SYN3: variants seen among roughly 807,000 people sequenced by gnomAD.
The protein encoded by SYN3 is synapsin III.
SYN3 carries 35 observed loss-of-function variants against 65.8 expected under a neutral mutation model. That is an observed-to-expected ratio of 0.53 (90% confidence interval 0.41 to 0.70). SYN3 has a LOEUF of 0.70. Ranked by LOEUF, SYN3 falls within the 30% of genes least tolerant of loss-of-function variation. The pLI is 0.00. For missense variants in SYN3, 680 were observed against 749.0 expected, an observed-to-expected ratio of 0.91 and a Z score of 1.08; for synonymous variants, 270 against 292.9, an observed-to-expected ratio of 0.92 and a Z score of 0.80.
chr22:32,722,576 C>G (rs2061134795), intron 6 of SYN3, among the ~76,000 whole-genome samples: 1 of 152,178 alleles, frequency 6.6e-6, no homozygotes, highest in African/African-American at 2.4e-5. Flanking sequence ...CGGACAGTGC[C>G]AAGGAGTCAG....
At chr22:32,788,169 T>A (rs1374008404) in intron 6 of SYN3, among the ~76,000 whole-genome samples, 1 of 152,096 alleles carries the variant, frequency 6.6e-6, no homozygotes, top group Non-Finnish European at 1.5e-5. Context: ...GGATTCCACA[T>A]CGGGATTCAA....
At position 32,804,303 on chromosome 22, in the gene SYN3, T is replaced by C. The variant is rs184849021; in HGVS notation, c.711+60612A>G. ...GCTTGCCTGCCGACCTCCCTCGCCT[T>C]GCACAGCACCCTGCTGGCGTCCAGT... On this transcript the variant is annotated intron_variant, in intron 6 of 13. Coordinates refer to ENST00000358763, the MANE Select transcript of SYN3 (RefSeq NM_003490.4). Among the ~76,000 whole-genome samples the C allele has an allele frequency of 2.0e-5, 3 of 152,302 alleles. No individual in the cohort carries two copies. The East Asian group carries it at 5.8e-4, about 29-fold the overall frequency.
At chr22:32,888,672 T>C (rs903487034) in intron 4 of SYN3, among the ~76,000 whole-genome samples, 1 of 152,132 alleles carries the variant, frequency 6.6e-6, no homozygotes, top group Non-Finnish European at 1.5e-5. Context: ...ATGGAAGACT[T>C]CATGGGCAGG....
chr22:32,749,716 G>A (rs768297542), intron 6 of SYN3, among the ~76,000 whole-genome samples: 2 of 152,126 alleles, frequency 1.3e-5, no homozygotes, highest in African/African-American at 4.8e-5. Flanking sequence ...TACGGCATTA[G>A]TCTTCTCTGA....
intron 7 of SYN3, among the ~76,000 whole-genome samples, chr22:32,559,976 T>G (rs555608279): frequency 3.3e-4 from 51 of 152,352 alleles, no homozygotes; most frequent in Non-Finnish European, 5.3e-4. Flanking sequence ...GTATATGACC[T>G]TCTTCTAGGA....
intron 1 of SYN3, among the ~76,000 whole-genome samples, chr22:33,049,354 A>AT (rs1280197350): frequency 1.3e-5 from 2 of 152,216 alleles, no homozygotes; most frequent in Non-Finnish European, 2.9e-5. Flanking sequence ...TTCTTCCTCT[A>AT]TCTGCTATCG....
intron 6 of SYN3, among the ~76,000 whole-genome samples, chr22:32,839,193 A>G (rs886717220): frequency 1.3e-5 from 2 of 152,054 alleles, no homozygotes; most frequent in African/African-American, 4.8e-5. Flanking sequence ...CCAGCTCTGA[A>G]GAGCCATATA....
intron 3 of SYN3, among the ~76,000 whole-genome samples, chr22:32,943,980 A>G (rs1451462338): frequency 6.6e-6 from 1 of 152,162 alleles, no homozygotes; most frequent in African/African-American, 2.4e-5. Context: ...AGAGACTTAG[A>G]CTCCCACACA....
intron 4 of SYN3, among the ~76,000 whole-genome samples, chr22:32,904,211 C>T (rs2049840304): frequency 6.6e-6 from 1 of 152,184 alleles, no homozygotes; most frequent in African/African-American, 2.4e-5. Context: ...CCCAGCAGGC[C>T]TTGTGGTTGA....
At chr22:33,022,449 C>G (rs1398935123) in intron 1 of SYN3, among the ~76,000 whole-genome samples, 1 of 152,218 alleles carries the variant, frequency 6.6e-6, no homozygotes, top group Non-Finnish European at 1.5e-5. Flanking sequence ...TTCTCACACA[C>G]AGACCTGCTG....
intron 6 of SYN3, among the ~76,000 whole-genome samples, chr22:32,757,932 A>G (rs2045345099): frequency 6.6e-6 from 1 of 152,236 alleles, no homozygotes; most frequent in African/African-American, 2.4e-5. Context: ...ATGCGTAGTA[A>G]AAGAAGGCAA....
intron 6 of SYN3, among the ~76,000 whole-genome samples, chr22:32,834,624 T>C (rs1377176714): frequency 1.3e-5 from 2 of 152,196 alleles, no homozygotes; most frequent in Non-Finnish European, 2.9e-5. Flanking sequence ...TACTCTGTGG[T>C]GTGGCAATTG....
chr22:32,744,718 C>T (rs1350652205), intron 6 of SYN3, among the ~76,000 whole-genome samples: 1 of 152,150 alleles, frequency 6.6e-6, no homozygotes, highest in Non-Finnish European at 1.5e-5. Context: ...GGTAAGGAGA[C>T]AGGATGTTGG....
At chr22:32,893,981 CCTATA>C (rs1392760127) in intron 4 of SYN3, among the ~76,000 whole-genome samples, 2 of 152,128 alleles carry the variant, frequency 1.3e-5, no homozygotes, top group African/African-American at 4.8e-5. Context: ...GTTATCACAG[CCTATA>C]CTATGACAAT....
chr22:33,030,468 C>A (rs1485472089), intron 1 of SYN3, among the ~76,000 whole-genome samples: 1 of 151,548 alleles, frequency 6.6e-6, no homozygotes, highest in East Asian at 1.9e-4. Context: ...GAGACAGACA[C>A]AGAGAGACAG....
intron 3 of SYN3, among the ~76,000 whole-genome samples, chr22:32,940,711 C>T (rs1449710631): frequency 6.6e-6 from 1 of 152,138 alleles, no homozygotes; most frequent in Non-Finnish European, 1.5e-5. Context: ...CTATTTTATT[C>T]TATTTATCAA....
chr22:32,689,757 C>A (rs1204214572), intron 6 of SYN3, among the ~76,000 whole-genome samples: 1 of 151,822 alleles, frequency 6.6e-6, no homozygotes, highest in East Asian at 1.9e-4. Flanking sequence ...ATGTTTATGC[C>A]CTCTCAATAG....
At chr22:32,543,704 A>G (rs2058294578) in intron 7 of SYN3, among the ~76,000 whole-genome samples, 1 of 152,074 alleles carries the variant, frequency 6.6e-6, no homozygotes, top group Admixed American at 6.5e-5. Flanking sequence ...TCGTGCGGGT[A>G]GATGTGCCTG....
At chr22:32,857,185 A>C (rs1369906386) in intron 6 of SYN3, 3 of 1,239,086 alleles carry the variant, frequency 2.4e-6, no homozygotes, top group Non-Finnish European at 3.6e-6. Context: ...CAGCAGTGGG[A>C]TTAGGGATCA....
Sources: gnomAD v4.1 joint callset for allele counts (sites outside exome capture counted in the v4.1 genomes callset) on GRCh38, gnomAD v4.1.1 for gene constraint, MANE v1.5 for transcripts, NCBI Gene and HGNC (gene_info 2026-07-23, HGNC 2026-07-21) for gene names.